The following LONP1 variants were observed in gnomAD, a reference collection of about 807,000 sequenced individuals.
LONP1 encodes the protein lon peptidase 1, mitochondrial.
A neutral mutation model predicts 98.5 loss-of-function variants in LONP1; 31 were observed. That is an observed-to-expected ratio of 0.31 (90% CI 0.24 to 0.42). The LOEUF (loss-of-function observed/expected upper bound fraction) is 0.42. LONP1 is among the 20% of genes least tolerant of loss of function. The pLI, the probability that LONP1 is intolerant of heterozygous loss-of-function variation, is 1.00. For synonymous variants in LONP1, 781 were observed against 594.7 expected (o/e 1.31, Z -4.56); for missense variants, 1,336 against 1,350.6 (o/e 0.99, Z 0.17).
chr19:5,693,519 G>GC (rs763192146), intron 16 of LONP1, 33 bp downstream of exon 16: 10 of 1,613,172 alleles, frequency 6.2e-6, no homozygotes, highest in East Asian at 2.2e-5. Flanking sequence ...CAGGGACTGG[G>GC]CGGGAGCAGG....
intron 10 of LONP1, among the ~76,000 whole-genome samples, chr19:5,698,790 AGTC>A (rs1347860789): frequency 6.6e-6 from 1 of 152,166 alleles, no homozygotes. Flanking sequence ...CGGCCCGAGA[AGTC>A]TCTCTCCCAG....
Position 5,705,913 on chromosome 19 carries a change from A to T in LONP1, c.1226T>A (p.Leu409Gln). The T allele has an allele frequency of 6.2e-7, 1 of 1,614,122 alleles. No homozygotes were observed. The highest frequency in any genetic ancestry group is 8.5e-7 in the Non-Finnish European group (1 of 1,180,022). The change falls in exon 8 of 18, where the codon CTG becomes CAG. Residue 409 changes from leucine to glutamine, a missense_variant. By Grantham distance (113) the Leu-to-Gln change is moderately radical (BLOSUM62 -2). This residue lies in a region of LONP1 where 219 missense variants were observed against 241.0 expected (regional missense o/e 0.91). Coordinates refer to ENST00000360614, the MANE Select transcript of LONP1 (RefSeq NM_004793.4). Reference sequence around the variant, plus strand: ...GATGGCATCCTTGTCGTCCTTCTCCAGGCCCAGCTCCTTCTTGATGATCTT... The same window carrying T: ...GATGGCATCCTTGTCGTCCTTCTCCTGGCCCAGCTCCTTCTTGATGATCTT... ...QLKIIKKELG[L>Q]EKDDKDAIEE...
chr19:5,707,244 G>GTCATCTCTGTACCC (rs1313386717), intron 6 of LONP1, 101 bp from the exon 7 acceptor site: 1 of 913,000 alleles, frequency 1.1e-6, no homozygotes, highest in Non-Finnish European at 1.7e-6. Flanking sequence ...ATGCTGCCGG[G>GTCATCTCTGTACCC]AGGACCTGGC....
intron 1 of LONP1, among the ~76,000 whole-genome samples, chr19:5,716,982 G>C (rs951247971): frequency 8.5e-5 from 13 of 152,130 alleles, no homozygotes; most frequent in Admixed American, 1.3e-4. Flanking sequence ...TTTTAGTAGA[G>C]ACGGGGTTTC....
Position 5,720,067 on chromosome 19 carries a change from C to T in LONP1, c.66G>A (p.Pro22=), listed in dbSNP as rs753490076. The T allele has an allele frequency of 6.5e-7, 1 of 1,529,514 alleles. No homozygotes were observed. 94.7% of individuals were successfully genotyped at this position (1,529,514 alleles called of 1,614,324 possible). A position where few individuals can be genotyped will look rare whatever the true frequency, so the allele number is the denominator to read the frequency against. The change falls in exon 1 of 18, where the codon CCG becomes CCA. Residue 22 remains proline, a synonymous_variant. Coordinates refer to ENST00000360614, the MANE Select transcript of LONP1 (RefSeq NM_004793.4). ...GAARCWVLRR[P]MLAAAGGRVP... The stretch of plus-strand genomic sequence containing the variant: ...CCCGCCCCCCGGCGGCGGCCAGCAT[C>T]GGCCGCCGCAGCACCCAGCACCGCG...
rs200413275 is a variant in LONP1, at chr19:5,696,803, G to A, written c.1686-46C>T. Reference sequence around the variant, plus strand: ...CAGAGGTCACTTGGTAGCCTGGCTCGGCCACAACGACACCATGCACCCTCC... The same window carrying A: ...CAGAGGTCACTTGGTAGCCTGGCTCAGCCACAACGACACCATGCACCCTCC... On this transcript the variant is annotated intron_variant, in intron 10 of 17. Transcript: ENST00000360614. 139 of 1,363,064 alleles carry A rather than the reference G, an allele frequency of 1.0e-4. No individual in the cohort carries two copies. In the Middle Eastern group the frequency reaches 1.1e-3, roughly 11 times the overall value. The allele number at this position is 1,363,064 out of a possible 1,614,324, so 84.4% of individuals were successfully genotyped here.
intron 4 of LONP1, chr19:5,708,948 G>C (rs189728551): frequency 1.3e-5 from 2 of 149,556 alleles, no homozygotes; most frequent in East Asian, 4.0e-4. Flanking sequence ...AGGAGATGGA[G>C]CTTGCAGTGA....
chr19:5,703,811 G>A (rs548647344), intron 8 of LONP1, among the ~76,000 whole-genome samples: 14 of 152,160 alleles, frequency 9.2e-5, no homozygotes, highest in African/African-American at 2.9e-4. Context: ...CTTGTCCCCC[G>A]TGACTTCCCA....
At chr19:5,703,689 G>A (rs1313451956) in intron 8 of LONP1, among the ~76,000 whole-genome samples, 4 of 151,580 alleles carry the variant, frequency 2.6e-5, no homozygotes, top group Non-Finnish European at 4.4e-5. Context: ...AGAGACACAT[G>A]AAGTCACTGT....
chr19:5,712,128 T>A (rs1197263581), intron 3 of LONP1, 126 bp from the exon 4 acceptor site: 1 of 743,480 alleles, frequency 1.3e-6, no homozygotes, highest in African/African-American at 1.8e-5. Context: ...AGCCACAGGG[T>A]GGCTACAGGG....
chr19:5,697,461 GTTA>G (rs2054955577), intron 10 of LONP1, among the ~76,000 whole-genome samples: 1 of 148,132 alleles, frequency 6.8e-6, no homozygotes, highest in Admixed American at 6.7e-5. Context: ...CGCCTGGTGT[GTTA>G]GAAGAACAGT....
At chr19:5,696,906 C>T (rs2054941603) in intron 10 of LONP1, 149 bp from the exon 11 acceptor site, 7 of 611,256 alleles carry the variant, frequency 1.1e-5, no homozygotes, top group South Asian at 2.0e-5. Flanking sequence ...TGGCAGCCGC[C>T]GGATGTGTGG....
chr19:5,712,143 C>G, intron 3 of LONP1, 141 bp from the exon 4 acceptor site: 1 of 652,258 alleles, frequency 1.5e-6, no homozygotes, highest in East Asian at 2.8e-5. Context: ...ACAGGGTCCT[C>G]AAGCTGGAGA....
chr19:5,708,081 G>C lies in LONP1; in HGVS notation c.933-255C>G, dbSNP rs929010941. 4.1e-4 allele frequency: 252 copies of C among 608,100 alleles called. 1 individual carries two copies. Among genetic ancestry groups the C allele is most frequent in the Non-Finnish European group, 6.7e-4 (230 of 344,780 alleles). 37.7% of individuals were successfully genotyped at this position (608,100 alleles called of 1,614,324 possible). On this transcript the variant is annotated intron_variant, in intron 5 of 17. Coordinates refer to ENST00000360614, the MANE Select transcript of LONP1 (RefSeq NM_004793.4). Reference sequence around the variant, plus strand: ...TGCAGTGACCTCACCTCAGCAGTCTGCTCCCCACTCCCCCAGCCAATGCCA... The same window carrying C: ...TGCAGTGACCTCACCTCAGCAGTCTCCTCCCCACTCCCCCAGCCAATGCCA...
rs941937984 is a variant in LONP1 at position 5,696,428 on chromosome 19, G to A, written c.1774-57C>T. 16 of 1,590,740 alleles carry A rather than the reference G, an allele frequency of 1.0e-5. No homozygotes were observed. The African/African-American group carries it at 1.6e-4, about 16-fold the overall frequency. ...GCCGTGCCCCTGGCCAGCCCGCCCAGTGGGGAGACCCCAGGGTCAGGGCTG... is the reference window on the plus strand; with the variant it reads ...GCCGTGCCCCTGGCCAGCCCGCCCAATGGGGAGACCCCAGGGTCAGGGCTG... On this transcript the variant is annotated intron_variant, in intron 11 of 17. Coordinates refer to ENST00000360614, the MANE Select transcript of LONP1 (RefSeq NM_004793.4).
At chr19:5,712,119 G>T in intron 3 of LONP1, 117 bp from the exon 4 acceptor site, 1 of 799,182 alleles carries the variant, frequency 1.3e-6, no homozygotes, top group Non-Finnish European at 1.9e-6. Context: ...GACCTCTGGA[G>T]CCACAGGGTG....
At position 5,705,963 on chromosome 19, in the gene LONP1, A is replaced by G. The variant is rs752064584; in HGVS notation, c.1176T>C (p.Arg392=). The G allele has an allele frequency of 6.2e-7, 1 of 1,612,492 alleles. No individual in the cohort carries two copies. Among genetic ancestry groups the G allele is most frequent in the East Asian group, 2.2e-5 (1 of 44,802 alleles). ...EVEEKIKQTH[R]KYLLQEQLKI... ...TTAGCTGCTCCTGCAGCAGGTACTT[A>G]CGGTGGGTCTGCTTGATCTTCTCCT... is the stretch of plus-strand genomic sequence containing the variant. The change falls in exon 8 of 18, where the codon CGT becomes CGC. Residue 392 remains arginine (R), a synonymous_variant. Transcript: ENST00000360614.
intron 1 of LONP1, among the ~76,000 whole-genome samples, chr19:5,718,845 A>G (rs1187327543): frequency 6.6e-6 from 1 of 151,994 alleles, no homozygotes; most frequent in South Asian, 2.1e-4. Flanking sequence ...GTCTGAAATG[A>G]TCTAATTTCT....
At chr19:5,705,728 G>A (rs2055134073) in intron 8 of LONP1, 44 bp downstream of exon 8, 2 of 1,576,094 alleles carry the variant, frequency 1.3e-6, no homozygotes, top group Non-Finnish European at 1.7e-6. Context: ...GGGGGCTGAG[G>A]AGGGGTCACC....
Sources: gnomAD v4.1 joint callset for allele counts (sites outside exome capture counted in the v4.1 genomes callset) on GRCh38, gnomAD v4.1.1 for gene constraint, gnomAD v4.1.1 regional missense constraint, MANE v1.5 for transcripts, NCBI Gene and HGNC (gene_info 2026-07-23, HGNC 2026-07-21) for gene names.